Variants in HHIPL1 observed in about 807,000 individuals in gnomAD.
HHIPL1 encodes the protein HHIP-like protein 1.
Under a neutral mutation model 61.8 loss-of-function variants are expected in HHIPL1, and 43 were observed. The ratio of observed to expected loss-of-function variants is 0.70; its 90% CI spans 0.55 to 0.90. The LOEUF (loss-of-function observed/expected upper bound fraction) is 0.90, where lower values mean the gene tolerates loss of function less well. Ranked by LOEUF, HHIPL1 falls within the 40% of genes least tolerant of loss-of-function variation. The pLI is 0.00. For synonymous variants in HHIPL1, 482 were observed against 515.8 expected (o/e 0.93, Z 0.89); for missense variants, 1,056 against 1,157.7 (o/e 0.91, Z 1.28).
Position 99,668,506 on chromosome 14 carries a change from G to A in HHIPL1, c.1730+203G>A, listed in dbSNP as rs558275581. On this transcript the variant is annotated intron_variant, in intron 7 of 8. Transcript: ENST00000330710. This position sits in a 1 kb window ranked among gnomAD's most constrained non-coding sequence, Gnocchi z 4.7. The stretch of plus-strand genomic sequence containing the variant: ...CCAGGATTCAGACCCGGGTCTGCAC[G>A]CCTCAAAGCACAGGTCTATTAGGAT... Among the ~76,000 whole-genome samples, 6 of 152,234 alleles carry A rather than the reference G, an allele frequency of 3.9e-5. No homozygotes were observed. The highest frequency in any genetic ancestry group is 3.4e-3 in the Middle Eastern group (1 of 294).
intron 1 of HHIPL1, among the ~76,000 whole-genome samples, chr14:99,650,392 G>C (rs1439570769): frequency 6.6e-6 from 1 of 152,230 alleles, no homozygotes; most frequent in Non-Finnish European, 1.5e-5. Context: ...TGGCCTGGTG[G>C]ACTCACAGGT....
At chr14:99,629,226 GT>G in the HHIPL1 span, among the ~76,000 whole-genome samples, 1 of 152,226 alleles carries the variant, frequency 6.6e-6, no homozygotes, top group Non-Finnish European at 1.5e-5. Context: ...CCAGGGGACT[GT>G]TTCATATCAT....
chr14:99,632,415 C>T, the HHIPL1 span, among the ~76,000 whole-genome samples: 1 of 152,160 alleles, frequency 6.6e-6, no homozygotes, highest in African/African-American at 2.4e-5. Flanking sequence ...GCCCCAGTTC[C>T]ATTCTCTGGG....
chr14:99,632,938 A>G, the HHIPL1 span, among the ~76,000 whole-genome samples: 1 of 141,936 alleles, frequency 7.0e-6, no homozygotes, highest in African/African-American at 2.6e-5. Flanking sequence ...TGGATGGGGG[A>G]GTGAGGAGGG....
chr14:99,619,929 C>A, the HHIPL1 span, among the ~76,000 whole-genome samples: 31 of 152,294 alleles, frequency 2.0e-4, no homozygotes, highest in African/African-American at 7.0e-4. Flanking sequence ...TATTTTCCCA[C>A]CCCCAATCCA....
the HHIPL1 span, among the ~76,000 whole-genome samples, chr14:99,613,867 T>C: frequency 6.6e-6 from 1 of 152,008 alleles, no homozygotes; most frequent in African/African-American, 2.4e-5. Flanking sequence ...GCCGAGATCA[T>C]GCCGTTGCAC....
chr14:99,619,435 CG>C, the HHIPL1 span, among the ~76,000 whole-genome samples: 1 of 146,652 alleles, frequency 6.8e-6, no homozygotes. Context: ...GCACTCTAGC[CG>C]GGGTGACAGT....
rs1463883916 is a variant in HHIPL1 at position 99,656,823 on chromosome 14, G to T, written c.903-177G>T. 1.4e-3 allele frequency among the ~76,000 whole-genome samples: 6 copies of T among 4,344 alleles called. 1 individual carries two copies. Among genetic ancestry groups the T allele is most frequent in the Non-Finnish European group, 8.7e-3 (6 of 690 alleles). 2.8% of individuals were successfully genotyped at this position (4,344 alleles called of 152,430 possible). A position where few individuals can be genotyped will look rare whatever the true frequency, so the allele number is the denominator to read the frequency against. ...AGAAAGAAAGAAAGAAAGAAAGAAA[G>T]AAAGAAAGAAAGAAAGGAAGGAAGG... On this transcript the variant is annotated intron_variant, in intron 2 of 8. Transcript: ENST00000330710.
chr14:99,678,433 A>T lies in HHIPL1; in HGVS notation c.*2807A>T, dbSNP rs1172463486. 2 of 152,266 alleles carry T rather than the reference A, an allele frequency of 1.3e-5. No individual in the cohort carries two copies. The highest frequency in any genetic ancestry group is 2.9e-5 in the Non-Finnish European group (2 of 68,052). 9.4% of individuals were successfully genotyped at this position (152,266 alleles called of 1,614,324 possible). ...TTTACTTTCTGCAGAAAGGGTGCTC[A>T]TCGCAGATGGAACAATAGTGAGAGG... On this transcript the variant is annotated 3_prime_UTR_variant, in exon 9 of 9. Transcript: ENST00000330710.
chr14:99,627,918 A>G, the HHIPL1 span, among the ~76,000 whole-genome samples: 1,779 of 152,262 alleles, frequency 0.012, 46 homozygotes, highest in African/African-American at 0.041. The surrounding 1 kb of genome is among the most constrained non-coding windows in gnomAD (Gnocchi z 4.4). Context: ...AAGGCCCCCG[A>G]GGAGGAAGGG....
At chr14:99,667,686 C>G (rs181219503) in intron 6 of HHIPL1, among the ~76,000 whole-genome samples, 1 of 152,178 alleles carries the variant, frequency 6.6e-6, no homozygotes, top group African/African-American at 2.4e-5. Flanking sequence ...GCCCAAATCC[C>G]GGATGACGCC....
chr14:99,661,531 A>C lies in HHIPL1; in HGVS notation c.1502+1125A>C, dbSNP rs932252010. Among the ~76,000 whole-genome samples the C allele has an allele frequency of 6.6e-5, 10 of 151,974 alleles. No homozygotes were observed. In the East Asian group the frequency reaches 1.9e-3, roughly 29 times the overall value. On this transcript the variant is annotated intron_variant, in intron 5 of 8. Transcript: ENST00000330710. ...CACCCAGGCTGGAATGCAGTGGCACAGTCTCAGCTCACTGCAGCCTCCACC... is the reference window on the plus strand; with the variant it reads ...CACCCAGGCTGGAATGCAGTGGCACCGTCTCAGCTCACTGCAGCCTCCACC...
the HHIPL1 span, among the ~76,000 whole-genome samples, chr14:99,636,348 C>T: frequency 1.3e-5 from 2 of 152,154 alleles, no homozygotes; most frequent in Admixed American, 6.5e-5. Context: ...TCCACGGGGT[C>T]CCACTGGGAC....
the HHIPL1 span, among the ~76,000 whole-genome samples, chr14:99,608,793 T>C: frequency 2.0e-5 from 3 of 152,200 alleles, no homozygotes; most frequent in Non-Finnish European, 4.4e-5. Flanking sequence ...GAACCCTCTG[T>C]TCCCATTTTA....
the HHIPL1 span, among the ~76,000 whole-genome samples, chr14:99,611,966 G>A: frequency 5.5e-3 from 839 of 152,308 alleles, 7 homozygotes; most frequent in Non-Finnish European, 0.01. Context: ...CCTCGGTGAT[G>A]TCTAGGGTTG....
the HHIPL1 span, among the ~76,000 whole-genome samples, chr14:99,629,985 T>G: frequency 6.6e-6 from 1 of 152,226 alleles, no homozygotes; most frequent in Non-Finnish European, 1.5e-5. Context: ...CTGCCTCCAG[T>G]GATGGGGTGC....
rs1165633040 is a variant in HHIPL1, at chr14:99,660,533, C to T, written c.1502+127C>T. 2.4e-6 allele frequency: 3 copies of T among 1,247,826 alleles called. No individual in the cohort carries two copies. Among genetic ancestry groups the T allele is most frequent in the Non-Finnish European group, 3.4e-6 (3 of 892,888 alleles). The allele number at this position is 1,247,826 out of a possible 1,614,324, so 77.3% of individuals were successfully genotyped here. On this transcript the variant is annotated intron_variant, in intron 5 of 8. Transcript: ENST00000330710. The surrounding 1 kb of genome is among the most constrained non-coding windows in gnomAD (Gnocchi z 4.9). ...TGTGCCTCGCTGCTCTGACAGGGGC[C>T]CCTAGGTGTGGGCCGGACACCCGCA... is the stretch of plus-strand genomic sequence containing the variant.
At position 99,668,435 on chromosome 14, in the gene HHIPL1, C is replaced by T; in HGVS notation, c.1730+132C>T. On this transcript the variant is annotated intron_variant, in intron 7 of 8. Transcript: ENST00000330710. The surrounding 1 kb of genome is among the most constrained non-coding windows in gnomAD (Gnocchi z 4.7). ...ATTTTCAGACAAGAACCCTGAGGCC[C>T]AGAGAGGGACGTGATTTGCCTCAGT... 1 of 652,574 alleles carries T rather than the reference C, an allele frequency of 1.5e-6. No homozygotes were observed. Among genetic ancestry groups the T allele is most frequent in the Non-Finnish European group, 2.8e-6 (1 of 361,366 alleles). The allele number at this position is 652,574 out of a possible 1,614,324, so 40.4% of individuals were successfully genotyped here.
the HHIPL1 span, among the ~76,000 whole-genome samples, chr14:99,636,655 C>T: frequency 6.6e-6 from 1 of 151,824 alleles, no homozygotes; most frequent in Non-Finnish European, 1.5e-5. Context: ...GAATCTCCAA[C>T]ACCAGATGGA....
Sources: gnomAD v4.1 joint callset for allele counts (sites outside exome capture counted in the v4.1 genomes callset) on GRCh38, gnomAD v4.1.1 for gene constraint, Gnocchi (gnomAD v3.1) non-coding constraint, MANE v1.5 for transcripts, NCBI Gene and HGNC (gene_info 2026-07-23, HGNC 2026-07-21) for gene names.